LPGAT1: variants seen among roughly 807,000 people sequenced by gnomAD.
The protein encoded by LPGAT1 is acyl-CoA:lysophosphatidylglycerol acyltransferase 1.
A neutral mutation model predicts 47.5 loss-of-function variants in LPGAT1; 11 were observed. That is an observed-to-expected ratio of 0.23 (90% CI 0.15 to 0.38). The LOEUF is 0.38. Ranked by LOEUF, LPGAT1 falls within the 10% of genes least tolerant of loss-of-function variation. The pLI is 1.00. For missense variants in LPGAT1, 293 were observed against 439.0 expected (o/e 0.67, Z 2.97); for synonymous variants, 138 against 144.2 (o/e 0.96, Z 0.31).
At chr1:211,802,327 C>T (rs552275363) in intron 2 of LPGAT1, among the ~76,000 whole-genome samples, 62 of 151,992 alleles carry the variant, frequency 4.1e-4, no homozygotes, top group African/African-American at 1.5e-3. Flanking sequence ...AGTTTTTCCT[C>T]CCCTACATAG....
intron 1 of LPGAT1, chr1:211,829,868 CCTTT>C: frequency 1.0e-6 from 1 of 955,460 alleles, no homozygotes; most frequent in Non-Finnish European, 1.2e-6. Context: ...TTTTTGTTTC[CCTTT>C]TTTTTTTAAG....
chr1:211,813,405 G>A (rs2102591286), intron 2 of LPGAT1, among the ~76,000 whole-genome samples: 1 of 152,214 alleles, frequency 6.6e-6, no homozygotes, highest in East Asian at 1.9e-4. Context: ...AAATAATTCA[G>A]ATGTTTAGAC....
intron 4 of LPGAT1, among the ~76,000 whole-genome samples, chr1:211,786,512 T>C (rs1016672890): frequency 1.3e-5 from 2 of 152,344 alleles, no homozygotes; most frequent in African/African-American, 4.8e-5. Flanking sequence ...AAATAAAGCA[T>C]ATAATACTAG....
chr1:211,768,164 A>G (rs1658019340), intron 6 of LPGAT1, among the ~76,000 whole-genome samples: 1 of 152,208 alleles, frequency 6.6e-6, no homozygotes, highest in African/African-American at 2.4e-5. Flanking sequence ...GTATTTCAAT[A>G]TCCTTGATTT....
At chr1:211,785,052 C>A (rs569226510) in intron 4 of LPGAT1, among the ~76,000 whole-genome samples, 2 of 152,266 alleles carry the variant, frequency 1.3e-5, no homozygotes, top group African/African-American at 2.4e-5. Context: ...ATCTGCCCCC[C>A]TTGGCCTCCC....
intron 6 of LPGAT1, 88 bp from the exon 7 acceptor site, chr1:211,751,155 T>C (rs1657162255): frequency 1.2e-6 from 1 of 837,806 alleles, no homozygotes; most frequent in Non-Finnish European, 1.9e-6. Context: ...AAAAGCTGAA[T>C]AAAATTGTGT....
intron 2 of LPGAT1, among the ~76,000 whole-genome samples, chr1:211,806,686 A>T (rs900088011): frequency 1.3e-5 from 2 of 152,196 alleles, no homozygotes; most frequent in Non-Finnish European, 2.9e-5. Context: ...AAATTTTTTT[A>T]AAAAAGAAGG....
intron 6 of LPGAT1, among the ~76,000 whole-genome samples, chr1:211,767,950 G>A (rs1377492172): frequency 6.6e-6 from 1 of 152,132 alleles, no homozygotes; most frequent in East Asian, 1.9e-4. Context: ...GTATACCTTA[G>A]AGTTACTCTC....
chr1:211,761,680 T>G (rs1359533161), intron 6 of LPGAT1, among the ~76,000 whole-genome samples: 3 of 152,226 alleles, frequency 2.0e-5, no homozygotes. Flanking sequence ...GACTTTGAGT[T>G]ACTTAGAGAT....
chr1:211,823,254 TAA>T, intron 2 of LPGAT1, among the ~76,000 whole-genome samples: 1 of 152,210 alleles, frequency 6.6e-6, no homozygotes, highest in Admixed American at 6.5e-5. Flanking sequence ...ACCACCCTGA[TAA>T]AATTATTGCG....
At chr1:211,829,442 T>C in intron 1 of LPGAT1, 119 bp from the exon 2 acceptor site, 1 of 1,470,694 alleles carries the variant, frequency 6.8e-7, no homozygotes, top group Admixed American at 2.6e-5. Context: ...GCTTTCCGGG[T>C]GTAGTACCTC....
At chr1:211,750,583 T>A (rs1403300155) in intron 7 of LPGAT1, among the ~76,000 whole-genome samples, 1 of 152,202 alleles carries the variant, frequency 6.6e-6, no homozygotes, top group Non-Finnish European at 1.5e-5. Flanking sequence ...TATTTACAAA[T>A]TTTTTGTCAA....
At chr1:211,772,215 G>GA (rs1326671679) in intron 6 of LPGAT1, among the ~76,000 whole-genome samples, 2 of 152,168 alleles carry the variant, frequency 1.3e-5, no homozygotes, top group Non-Finnish European at 1.5e-5. Context: ...CCATTGATAC[G>GA]AAAGGGCTAC....
intron 2 of LPGAT1, among the ~76,000 whole-genome samples, chr1:211,805,000 G>C (rs966306422): frequency 2.0e-4 from 31 of 151,742 alleles, no homozygotes; most frequent in African/African-American, 7.5e-4. Flanking sequence ...TAAATTCATA[G>C]AGAAACTTAA....
chr1:211,784,989 G>A (rs1658811132), intron 4 of LPGAT1, among the ~76,000 whole-genome samples: 1 of 151,906 alleles, frequency 6.6e-6, no homozygotes, highest in South Asian at 2.1e-4. Flanking sequence ...GTTTTTAGTA[G>A]AGATGGGATT....
chr1:211,768,784 G>T (rs1264364562), intron 6 of LPGAT1, among the ~76,000 whole-genome samples: 1 of 152,188 alleles, frequency 6.6e-6, no homozygotes. Flanking sequence ...ATATTAGACT[G>T]AGGGGAACAA....
chr1:211,775,877 G>A (rs1658375685), intron 6 of LPGAT1, among the ~76,000 whole-genome samples: 1 of 149,066 alleles, frequency 6.7e-6, no homozygotes, highest in Admixed American at 6.8e-5. Context: ...GTTACGGTGA[G>A]TCGAGATCAC....
At chr1:211,783,172 T>C in intron 5 of LPGAT1, 57 bp downstream of exon 5, 1 of 1,427,688 alleles carries the variant, frequency 7.0e-7, no homozygotes, top group Non-Finnish European at 9.5e-7. Flanking sequence ...TCATCTTCTG[T>C]AACTCCAGAA....
At chr1:211,771,740 G>A (rs1490318370) in intron 6 of LPGAT1, among the ~76,000 whole-genome samples, 1 of 151,874 alleles carries the variant, frequency 6.6e-6, no homozygotes, top group Non-Finnish European at 1.5e-5. Flanking sequence ...GACCTCAAGG[G>A]ATCTGCCTGC....
Sources: gnomAD v4.1 joint callset for allele counts (sites outside exome capture counted in the v4.1 genomes callset) on GRCh38, gnomAD v4.1.1 for gene constraint, MANE v1.5 for transcripts, NCBI Gene and HGNC (gene_info 2026-07-23, HGNC 2026-07-21) for gene names.